MARS1: variants seen among roughly 807,000 people sequenced by gnomAD.
MARS1 encodes the protein methionine--tRNA ligase, cytoplasmic.
MARS1 carries 80 observed loss-of-function variants against 119.5 expected under a neutral mutation model. The ratio of observed to expected loss-of-function variants is 0.67; its 90% CI spans 0.56 to 0.81. MARS1 has a LOEUF of 0.81. MARS1 is among the 30% of genes least tolerant of loss of function. The probability of loss-of-function intolerance (pLI) is 0.00; values close to 1 mark genes in which losing one functional copy is unlikely to be tolerated. For missense variants in MARS1, 945 were observed against 1,116.5 expected (o/e 0.85, Z 2.19); for synonymous variants, 418 against 433.4 (o/e 0.96, Z 0.44).
At position 57,503,702 on chromosome 12, in the gene MARS1, C is replaced by T. The variant is rs191424313; in HGVS notation, c.1294-523C>T. Among the ~76,000 whole-genome samples, 13 of 152,152 alleles carry T rather than the reference C, an allele frequency of 8.5e-5. No homozygotes were observed. In the East Asian group the frequency reaches 1.7e-3, roughly 20 times the overall value. ...GACTACAGGTGCACGCCACCATGCC[C>T]AGCTAATTTTTGTATTTTTAGTAGA... is the stretch of plus-strand genomic sequence containing the variant. On this transcript the variant is annotated intron_variant, in intron 10 of 20. Transcript: ENST00000262027.
At chr12:57,493,777 A>ATATATTATATAT (rs1876345507) in intron 7 of MARS1, among the ~76,000 whole-genome samples, 32 of 844 alleles carry the variant, frequency 0.038, no homozygotes, top group Non-Finnish European at 0.071. Flanking sequence ...TATATATAAT[A>ATATATTATATAT]TATATTATAT....
In MARS1 at chr12:57,512,379, G is replaced by T. The variant is rs764682006; in HGVS notation, c.1753+26G>T. The T allele has an allele frequency of 4.8e-5, 72 of 1,509,142 alleles. No homozygotes were observed. The Middle Eastern group carries it at 6.8e-4, about 14-fold the overall frequency. 93.5% of individuals were successfully genotyped at this position (1,509,142 alleles called of 1,614,324 possible). A position where few individuals can be genotyped will look rare whatever the true frequency, so the allele number is the denominator to read the frequency against. On this transcript the variant is annotated intron_variant, in intron 14 of 20. Transcript: ENST00000262027. ...GTAAGTACCCTGGAAGACTACTGAT[G>T]GGGTGTTCATAGGAAATGAGGGGTG...
At chr12:57,508,809 G>A (rs1345281555) in intron 11 of MARS1, among the ~76,000 whole-genome samples, 5 of 152,112 alleles carry the variant, frequency 3.3e-5, no homozygotes, top group East Asian at 1.9e-4. Flanking sequence ...TGATTCACCC[G>A]CCTTAGCCTC....
chr12:57,503,233 CTTTTT>C (rs777768874), intron 10 of MARS1, among the ~76,000 whole-genome samples: 1 of 136,098 alleles, frequency 7.3e-6, no homozygotes, highest in African/African-American at 2.7e-5. Flanking sequence ...GCACTTGTTT[CTTTTT>C]TTTTTTTTTT....
intron 11 of MARS1, among the ~76,000 whole-genome samples, chr12:57,511,089 C>G (rs1469561250): frequency 6.6e-6 from 1 of 151,598 alleles, no homozygotes; most frequent in Non-Finnish European, 1.5e-5. Context: ...TTAGCACATC[C>G]TCTGCACAAG....
At chr12:57,516,378 T>C in intron 20 of MARS1, 41 bp downstream of exon 20, 1 of 1,612,390 alleles carries the variant, frequency 6.2e-7, no homozygotes, top group Non-Finnish European at 8.5e-7. Context: ...ACAAGCTGAA[T>C]CCTAAATAGA....
chr12:57,506,850 CTT>C lies in MARS1; in HGVS notation c.1368+2569_1368+2570del, dbSNP rs35786533. Among the ~76,000 whole-genome samples the C allele has an allele frequency of 3.1e-3, 398 of 128,026 alleles. 2 individuals carry two copies. Among genetic ancestry groups the C allele is most frequent in the African/African-American group, 8.2e-3 (283 of 34,648 alleles). The allele number at this position is 128,026 out of a possible 152,430, so 84.0% of individuals were successfully genotyped here. Reference sequence around the variant, plus strand: ...ACCACCATGCCTGGCTAATTTTTGTCTTTTTTTTTTTTTTTTTTTAATTGACC... The same window carrying C: ...ACCACCATGCCTGGCTAATTTTTGTCTTTTTTTTTTTTTTTTTAATTGACC... On this transcript the variant is annotated intron_variant, in intron 11 of 20. Coordinates refer to ENST00000262027, the MANE Select transcript of MARS1 (RefSeq NM_004990.4).
intron 10 of MARS1, among the ~76,000 whole-genome samples, chr12:57,502,425 G>C (rs1388347633): frequency 6.6e-6 from 1 of 152,034 alleles, no homozygotes; most frequent in Non-Finnish European, 1.5e-5. Context: ...ACTCACTTGG[G>C]GCCAGGTGTG....
chr12:57,499,585 C>T (rs1210720923), intron 9 of MARS1, among the ~76,000 whole-genome samples: 2 of 132,020 alleles, frequency 1.5e-5, no homozygotes, highest in East Asian at 2.2e-4. Context: ...GACTTGGTGA[C>T]GGAGTGAGAC....
At chr12:57,488,262 C>A (rs1172076941) in intron 1 of MARS1, 63 bp downstream of exon 1, 2 of 1,487,370 alleles carry the variant, frequency 1.3e-6, no homozygotes, top group Non-Finnish European at 1.9e-6. Context: ...GCCAGATTCT[C>A]TGCAGCTGTC....
At chr12:57,508,360 G>T (rs1381248342) in intron 11 of MARS1, among the ~76,000 whole-genome samples, 9 of 152,262 alleles carry the variant, frequency 5.9e-5, no homozygotes, top group African/African-American at 2.2e-4. Flanking sequence ...CTGCACTCCA[G>T]CCTGGGCACC....
At chr12:57,497,621 G>C (rs762635613) in intron 7 of MARS1, among the ~76,000 whole-genome samples, 82 of 152,160 alleles carry the variant, frequency 5.4e-4, no homozygotes, top group Non-Finnish European at 1.0e-3. Flanking sequence ...ACTGGTGCCT[G>C]CTGGTTTGAG....
chr12:57,498,115 C>A, intron 7 of MARS1, 42 bp from the exon 8 acceptor site: 1 of 1,329,336 alleles, frequency 7.5e-7, no homozygotes, highest in Non-Finnish European at 1.1e-6. Context: ...TGTTGACCCT[C>A]ACATCCCCCC....
At chr12:57,515,395 T>C (rs1012378658) in intron 18 of MARS1, 59 bp downstream of exon 18, 27 of 1,537,420 alleles carry the variant, frequency 1.8e-5, no homozygotes, top group Non-Finnish European at 1.9e-5. Context: ...GCTTTTGGAG[T>C]GGGTGAGAGA....
In MARS1 at chr12:57,510,353, T is replaced by C. The variant is rs184337702; in HGVS notation, c.1369-1345T>C. Among the ~76,000 whole-genome samples, 272 of 152,124 alleles carry C rather than the reference T, an allele frequency of 1.8e-3. 2 individuals are homozygous for C. The highest frequency in any genetic ancestry group is 6.4e-3 in the African/African-American group (265 of 41,486). On this transcript the variant is annotated intron_variant, in intron 11 of 20. Coordinates refer to ENST00000262027, the MANE Select transcript of MARS1 (RefSeq NM_004990.4). ...CAGGCGTGGTGGCACCGACCTGTAG[T>C]CCCAGCTACTCAGGAGGCTGAGGCA...
At chr12:57,511,405 A>G (rs1389099404) in intron 11 of MARS1, among the ~76,000 whole-genome samples, 2 of 152,108 alleles carry the variant, frequency 1.3e-5, no homozygotes, top group Non-Finnish European at 2.9e-5. Flanking sequence ...GCAATGTGGC[A>G]AAACCCTGTT....
At chr12:57,509,415 T>C (rs998797020) in intron 11 of MARS1, among the ~76,000 whole-genome samples, 3 of 152,112 alleles carry the variant, frequency 2.0e-5, no homozygotes, top group African/African-American at 7.2e-5. Context: ...TTGTTGTTTG[T>C]TTGTTTGTTT....
rs1156891377 is a variant in MARS1, at chr12:57,514,728, T to C, written c.1976T>C (p.Met659Thr). The C allele has an allele frequency of 8.7e-6, 14 of 1,613,958 alleles. No individual in the cohort carries two copies. The highest frequency in any genetic ancestry group is 1.2e-5 in the Non-Finnish European group (14 of 1,180,026). The change falls in exon 16 of 21, where the codon ATG (methionine) becomes ACG (threonine). Residue 659 changes from methionine to threonine, a missense_variant. Transcript: ENST00000262027. ...TCCTACTCCCAACCAAGAGCTGGGA[T>C]GTTTGTGTCTAAGTTCTTTGGGGGC... ...NLGNFINRAGMFVSKFFGGYV... is the reference protein window; with the variant it reads ...NLGNFINRAGTFVSKFFGGYV...
intron 14 of MARS1, 121 bp from the exon 15 acceptor site, chr12:57,512,628 GGA>G: frequency 1.2e-6 from 1 of 813,370 alleles, no homozygotes; most frequent in Non-Finnish European, 2.0e-6. Flanking sequence ...AGCCCCTTAA[GGA>G]GAAATGTTGC....
Sources: gnomAD v4.1 joint callset for allele counts (sites outside exome capture counted in the v4.1 genomes callset) on GRCh38, gnomAD v4.1.1 for gene constraint, MANE v1.5 for transcripts, NCBI Gene and HGNC (gene_info 2026-07-23, HGNC 2026-07-21) for gene names.